PCDHA1: variants seen among roughly 807,000 people sequenced by gnomAD.
PCDHA1 encodes the protein protocadherin alpha 1, also known as protocadherin alpha-1.
PCDHA1 carries 42 observed loss-of-function variants against 61.3 expected under a neutral mutation model. That is an observed-to-expected ratio of 0.69 (90% confidence interval 0.54 to 0.89). The LOEUF is 0.89. Ranked by LOEUF, PCDHA1 falls within the 40% of genes least tolerant of loss-of-function variation. PCDHA1 has a pLI of 0.00. For synonymous variants in PCDHA1, 610 were observed against 553.8 expected (o/e 1.10, Z -1.43); for missense variants, 1,256 against 1,235.3 (o/e 1.02, Z -0.25).
Position 140,787,791 on chromosome 5 carries a change from G to C in PCDHA1, c.1501G>C (p.Glu501Gln), listed in dbSNP as rs782741902. Reference sequence around the variant, plus strand: ...TTCGCTGGTGGAACGGCGGGTGGGCGAGCGCGCGCTGTCGAACTACGTGTC... The same window carrying C: ...TTCGCTGGTGGAACGGCGGGTGGGCCAGCGCGCGCTGTCGAACTACGTGTC... ...SYSLVERRVG[E>Q]RALSNYVSVH... Residue 501 changes from glutamate (E) to glutamine (Q), a missense_variant, in exon 1 of 4, where the codon GAG becomes CAG. Transcript: ENST00000504120. 1.4e-5 allele frequency: 22 copies of C among 1,612,362 alleles called. No homozygotes were observed. The highest frequency in any genetic ancestry group is 3.3e-5 in the Admixed American group (2 of 59,992).
intron 1 of PCDHA1, chr5:140,829,303 C>T: frequency 1.2e-6 from 2 of 1,614,248 alleles, no homozygotes; most frequent in Non-Finnish European, 1.7e-6. Context: ...TCAAGAATTA[C>T]TACTCGTTGG....
At chr5:140,904,091 C>A (rs536225769) in intron 1 of PCDHA1, among the ~76,000 whole-genome samples, 16 of 152,082 alleles carry the variant, frequency 1.1e-4, no homozygotes, top group Non-Finnish European at 1.8e-4. Flanking sequence ...ACATGAATAA[C>A]TACTTTAGTG....
intron 1 of PCDHA1, among the ~76,000 whole-genome samples, chr5:140,911,002 C>A (rs1216727256): frequency 6.6e-6 from 1 of 152,114 alleles, no homozygotes; most frequent in Non-Finnish European, 1.5e-5. Context: ...CCCTAGGGCC[C>A]TCCTGGGACT....
intron 1 of PCDHA1, chr5:140,864,637 A>G (rs1554159030): frequency 6.6e-6 from 1 of 152,220 alleles, no homozygotes; most frequent in East Asian, 1.9e-4. Flanking sequence ...AAACAAAACA[A>G]AACAATGTCA....
intron 3 of PCDHA1, among the ~76,000 whole-genome samples, chr5:140,995,371 C>T (rs143381591): frequency 1.3e-5 from 2 of 152,238 alleles, no homozygotes; most frequent in African/African-American, 2.4e-5. Flanking sequence ...GGATGATTCA[C>T]GTACTGGGCA....
chr5:140,992,584 T>G (rs1327367703), intron 3 of PCDHA1, among the ~76,000 whole-genome samples: 1 of 152,194 alleles, frequency 6.6e-6, no homozygotes, highest in Non-Finnish European at 1.5e-5. Context: ...CTGCCTTGTA[T>G]GCATCTAGCG....
At chr5:140,915,069 C>T (rs2076962975) in intron 1 of PCDHA1, among the ~76,000 whole-genome samples, 2 of 151,484 alleles carry the variant, frequency 1.3e-5, no homozygotes, top group Admixed American at 6.6e-5. Flanking sequence ...CCTTAGCCTA[C>T]TGAGTAGCTG....
intron 1 of PCDHA1, among the ~76,000 whole-genome samples, chr5:140,960,401 G>C (rs1219932748): frequency 2.0e-5 from 3 of 151,956 alleles, no homozygotes; most frequent in African/African-American, 7.3e-5. Flanking sequence ...TGCAAGGGGG[G>C]GTGCCCAAAA....
At chr5:140,818,198 T>G (rs2150100405) in intron 1 of PCDHA1, among the ~76,000 whole-genome samples, 49 of 152,344 alleles carry the variant, frequency 3.2e-4, no homozygotes, top group Non-Finnish European at 6.5e-4. Flanking sequence ...TATAAGTACA[T>G]GTATGTTAAA....
intron 1 of PCDHA1, among the ~76,000 whole-genome samples, chr5:140,937,385 T>G (rs1022137225): frequency 2.6e-5 from 4 of 152,170 alleles, no homozygotes; most frequent in Admixed American, 2.6e-4. Flanking sequence ...TGTGTGTATG[T>G]GTATATAGGG....
chr5:140,869,509 A>G (rs199564677), intron 1 of PCDHA1: 13 of 1,614,206 alleles, frequency 8.1e-6, no homozygotes, highest in Middle Eastern at 1.6e-4. Context: ...GTTCTCGCTC[A>G]GAGAACAAAA....
intron 1 of PCDHA1, chr5:140,866,298 G>A (rs2049270991): frequency 6.6e-6 from 1 of 152,134 alleles, no homozygotes; most frequent in African/African-American, 2.4e-5. Flanking sequence ...AAGTATAGAT[G>A]TTGATATTAT....
Position 140,870,644 on chromosome 5 carries a change from G to A in PCDHA1, c.2394+81960G>A, listed in dbSNP as rs782672271. ...TACGTGTCGGTGCACGCGGAGAGCG[G>A]CAAGGTGTACGCGCTGCAGCCGTTG... is the stretch of plus-strand genomic sequence containing the variant. On this transcript the variant is annotated intron_variant, in intron 1 of 3. Transcript: ENST00000504120. 8.7e-6 allele frequency: 14 copies of A among 1,612,768 alleles called. No homozygotes were observed. In the South Asian group the frequency reaches 1.4e-4, roughly 16 times the overall value.
chr5:140,937,595 C>A (rs940943581), intron 1 of PCDHA1, among the ~76,000 whole-genome samples: 1 of 150,652 alleles, frequency 6.6e-6, no homozygotes, highest in South Asian at 2.1e-4. Flanking sequence ...CTAGCCTGGG[C>A]AACAGAGTGA....
intron 1 of PCDHA1, among the ~76,000 whole-genome samples, chr5:140,952,977 C>G (rs148504111): frequency 6.6e-6 from 1 of 152,064 alleles, no homozygotes; most frequent in East Asian, 1.9e-4. Flanking sequence ...TTTTAAACAA[C>G]AAGATCTCAT....
intron 1 of PCDHA1, chr5:140,827,972 T>C: frequency 7.9e-6 from 11 of 1,394,734 alleles, no homozygotes; most frequent in Non-Finnish European, 9.7e-6. Flanking sequence ...TACTGCATCA[T>C]TCCCTGACTG....
intron 1 of PCDHA1, among the ~76,000 whole-genome samples, chr5:140,890,783 A>G (rs150043569): frequency 1.3e-5 from 2 of 152,302 alleles, no homozygotes; most frequent in African/African-American, 4.8e-5. Context: ...CCCATAAGAT[A>G]TTAGTATTAT....
Position 140,908,264 on chromosome 5 carries a change from C to T in PCDHA1, c.2395-70685C>T, listed in dbSNP as rs184452768. Among the ~76,000 whole-genome samples the T allele has an allele frequency of 2.1e-4, 32 of 152,244 alleles. 1 individual carries two copies. Among genetic ancestry groups the T allele is most frequent in the African/African-American group, 6.3e-4 (26 of 41,538 alleles). Reference sequence around the variant, plus strand: ...CCTCATCAACTGATCATAGGGAACTCCCCATGAGGCCATTGTTGCAAGCTG... The same window carrying T: ...CCTCATCAACTGATCATAGGGAACTTCCCATGAGGCCATTGTTGCAAGCTG... On this transcript the variant is annotated intron_variant, in intron 1 of 3. Coordinates refer to ENST00000504120, the MANE Select transcript of PCDHA1 (RefSeq NM_018900.4).
chr5:140,980,762 T>C (rs1293384140), intron 2 of PCDHA1, among the ~76,000 whole-genome samples: 2 of 152,090 alleles, frequency 1.3e-5, no homozygotes, highest in Non-Finnish European at 2.9e-5. Context: ...AGAAATAAAA[T>C]AAAAATTGAA....
Sources: allele counts gnomAD v4.1 joint callset (sites outside exome capture counted in the v4.1 genomes callset), GRCh38; gene constraint gnomAD v4.1.1; transcripts MANE v1.5; gene names NCBI Gene and HGNC (gene_info 2026-07-23, HGNC 2026-07-21).